The following STX17 variants were observed in gnomAD, a reference collection of about 807,000 sequenced individuals.
The protein encoded by STX17 is syntaxin-17.
In STX17, 29 loss-of-function variants were observed where a neutral mutation model predicts 35.9. That is an observed-to-expected ratio of 0.81 (90% CI 0.60 to 1.10). STX17 has a LOEUF of 1.10. STX17 is among the 50% of genes least tolerant of loss of function. The pLI, the probability that STX17 is intolerant of heterozygous loss-of-function variation, is 0.00. For synonymous variants in STX17, 92 were observed against 118.3 expected (o/e 0.78, Z 1.44); for missense variants, 312 against 352.3 (o/e 0.89, Z 0.92).
chr9:99,934,595 T>G (rs1367920658), intron 3 of STX17, among the ~76,000 whole-genome samples: 4 of 152,172 alleles, frequency 2.6e-5, no homozygotes, highest in Non-Finnish European at 4.4e-5. Flanking sequence ...TCTGGAGCCC[T>G]TAGCAATAAA....
chr9:99,946,849 T>C (rs1340327689), intron 3 of STX17, among the ~76,000 whole-genome samples: 1 of 152,184 alleles, frequency 6.6e-6, no homozygotes, highest in Non-Finnish European at 1.5e-5. Flanking sequence ...AGTCGTATTA[T>C]AATCTTACTG....
intron 1 of STX17, chr9:99,907,200 A>G (rs1048591309): frequency 1.3e-5 from 2 of 152,224 alleles, no homozygotes. Flanking sequence ...CGCCAAACCC[A>G]GAGGTGGTTG....
chr9:99,955,705 A>G (rs1364586240), intron 4 of STX17, among the ~76,000 whole-genome samples: 2 of 152,086 alleles, frequency 1.3e-5, no homozygotes, highest in African/African-American at 4.8e-5. Flanking sequence ...TCTCACTTCA[A>G]CTAAACCAAC....
intron 3 of STX17, among the ~76,000 whole-genome samples, chr9:99,940,133 A>G (rs1829320335): frequency 6.6e-6 from 1 of 151,894 alleles, no homozygotes. Context: ...AACTTATTTT[A>G]GTTTTTTATT....
intron 3 of STX17, among the ~76,000 whole-genome samples, chr9:99,936,397 A>G (rs1051387553): frequency 3.3e-5 from 5 of 152,170 alleles, no homozygotes; most frequent in Non-Finnish European, 5.9e-5. Context: ...TAAGTCTGTA[A>G]TGGTATCTCA....
At chr9:99,943,222 C>G (rs1587929019) in intron 3 of STX17, among the ~76,000 whole-genome samples, 4 of 152,140 alleles carry the variant, frequency 2.6e-5, no homozygotes, top group Admixed American at 1.3e-4. Flanking sequence ...CAAGCTCCGC[C>G]TCCTGGATTC....
chr9:99,951,362 G>C (rs1829590979), intron 4 of STX17, 77 bp downstream of exon 4: 2 of 1,321,980 alleles, frequency 1.5e-6, no homozygotes, highest in Non-Finnish European at 2.1e-6. Context: ...AGTAGATACT[G>C]AATTATCTAT....
chr9:99,908,550 G>A (rs1321504812), intron 1 of STX17, among the ~76,000 whole-genome samples: 3 of 152,114 alleles, frequency 2.0e-5, no homozygotes, highest in Non-Finnish European at 4.4e-5. Context: ...AATTGTTCCA[G>A]CTTTGATCAT....
intron 3 of STX17, among the ~76,000 whole-genome samples, chr9:99,946,826 A>G (rs1039127694): frequency 2.6e-5 from 4 of 152,056 alleles, no homozygotes; most frequent in African/African-American, 9.7e-5. Flanking sequence ...GGCTTTCGTT[A>G]TTGCTGTTGA....
chr9:99,958,620 T>C (rs1195542126), intron 4 of STX17, among the ~76,000 whole-genome samples: 2 of 152,202 alleles, frequency 1.3e-5, no homozygotes, highest in East Asian at 3.8e-4. Context: ...CCCAAGTCTT[T>C]CTGACTAGGC....
At chr9:99,909,899 C>G (rs1828625387) in intron 1 of STX17, among the ~76,000 whole-genome samples, 1 of 151,952 alleles carries the variant, frequency 6.6e-6, no homozygotes, top group Middle Eastern at 3.4e-3. Flanking sequence ...AAATATATAC[C>G]TACTACTAAT....
chr9:99,939,512 A>T (rs1829306304), intron 3 of STX17, among the ~76,000 whole-genome samples: 1 of 152,216 alleles, frequency 6.6e-6, no homozygotes, highest in Admixed American at 6.5e-5. Flanking sequence ...CCAGTTAACT[A>T]TGCACAATGC....
At chr9:99,910,802 C>A (rs185917562) in intron 1 of STX17, among the ~76,000 whole-genome samples, 7 of 152,190 alleles carry the variant, frequency 4.6e-5, no homozygotes, top group Admixed American at 3.9e-4. Context: ...TATGTTTGTA[C>A]CCATTAATCA....
intron 3 of STX17, among the ~76,000 whole-genome samples, chr9:99,943,752 G>A (rs1001180843): frequency 2.0e-5 from 3 of 152,150 alleles, no homozygotes; most frequent in Non-Finnish European, 4.4e-5. Context: ...TGTTTATAGT[G>A]CGTGAGACTA....
At position 99,968,813 on chromosome 9, in the gene STX17, A is replaced by G; in HGVS notation, c.*140A>G. On this transcript the variant is annotated 3_prime_UTR_variant, in exon 8 of 8. Coordinates refer to ENST00000259400, the MANE Select transcript of STX17 (RefSeq NM_017919.3). Reference sequence around the variant, plus strand: ...TTCAAGTGGGATTGAAGTGTGATAAATGGATATATTTTGTTGTTTGCTGGG... The same window carrying G: ...TTCAAGTGGGATTGAAGTGTGATAAGTGGATATATTTTGTTGTTTGCTGGG... 7.5e-7 allele frequency: 1 copy of G among 1,335,830 alleles called. No individual in the cohort carries two copies. Among genetic ancestry groups the G allele is most frequent in the Non-Finnish European group, 1.0e-6 (1 of 982,616 alleles). The allele number at this position is 1,335,830 out of a possible 1,614,324, so 82.7% of individuals were successfully genotyped here.
chr9:99,923,362 T>C (rs2118346281), intron 2 of STX17, among the ~76,000 whole-genome samples: 1 of 152,254 alleles, frequency 6.6e-6, no homozygotes, highest in African/African-American at 2.4e-5. Context: ...AGATATTATA[T>C]GAAAAAAACC....
chr9:99,949,936 C>T (rs1829558208), intron 3 of STX17, among the ~76,000 whole-genome samples: 1 of 90,900 alleles, frequency 1.1e-5, no homozygotes, highest in African/African-American at 5.1e-5. Flanking sequence ...TACATGCACA[C>T]ATGTATACAC....
intron 1 of STX17, among the ~76,000 whole-genome samples, chr9:99,909,813 G>A (rs527584414): frequency 4.5e-4 from 68 of 152,274 alleles, no homozygotes; most frequent in African/African-American, 1.6e-3. Flanking sequence ...AATGCTTGAG[G>A]TGATGGATAC....
At chr9:99,961,174 A>G (rs1829819942) in intron 6 of STX17, among the ~76,000 whole-genome samples, 1 of 152,230 alleles carries the variant, frequency 6.6e-6, no homozygotes, top group Non-Finnish European at 1.5e-5. Context: ...TGGGCATTAG[A>G]AAGCCTAATA....
Sources: allele counts gnomAD v4.1 joint callset (sites outside exome capture counted in the v4.1 genomes callset), GRCh38; gene constraint gnomAD v4.1.1; transcripts MANE v1.5; gene names NCBI Gene and HGNC (gene_info 2026-07-23, HGNC 2026-07-21).